KDM4B: variants seen among roughly 807,000 people sequenced by gnomAD.
KDM4B encodes the protein lysine-specific demethylase 4B.
KDM4B carries 32 observed loss-of-function variants against 125.2 expected under a neutral mutation model. That is an observed-to-expected ratio of 0.26 (90% CI 0.19 to 0.34). KDM4B has a LOEUF of 0.34. Among genes scored for constraint, KDM4B ranks in the 10% least tolerant of loss-of-function variants. KDM4B has a pLI of 1.00. For missense variants in KDM4B, 1,190 were observed against 1,577.7 expected (o/e 0.75, Z 4.16); for synonymous variants, 721 against 677.9 (o/e 1.06, Z -0.99).
intron 6 of KDM4B, among the ~76,000 whole-genome samples, chr19:5,057,220 C>T (rs1327120332): frequency 6.6e-6 from 1 of 152,164 alleles, no homozygotes; most frequent in African/African-American, 2.4e-5. Context: ...GCCCTTGCCT[C>T]TCCCCTTTGC....
Position 5,119,660 on chromosome 19 carries a change from C to G in KDM4B, c.1123C>G (p.Arg375Gly). 1 of 1,555,362 alleles carries G rather than the reference C, an allele frequency of 6.4e-7. No individual in the cohort carries two copies. The highest frequency in any genetic ancestry group is 8.7e-7 in the Non-Finnish European group (1 of 1,149,148). The change falls in exon 11 of 23, where the codon CGG becomes GGG. Residue 375 changes from arginine (R) to glycine (G), a missense_variant. By Grantham distance (125) the Arg-to-Gly change is moderately radical (BLOSUM62 -2). Coordinates refer to ENST00000159111, the MANE Select transcript of KDM4B (RefSeq NM_015015.3). ...ATAAACCTCCCTCTCCAGGTCTCAC[C>G]GGAAACGGAGCCAGCCCAAGAAGCC... The part of the protein sequence containing the change: ...LKAKLLRRSH[R>G]KRSQPKKPKP...
intron 1 of KDM4B, among the ~76,000 whole-genome samples, chr19:4,979,724 T>C (rs989175174): frequency 3.3e-5 from 5 of 152,250 alleles, no homozygotes; most frequent in African/African-American, 1.2e-4. Context: ...TAGGACAGCC[T>C]CCCTTAGAAA....
rs2039223001 is a variant in KDM4B, at chr19:5,114,780, T to C, written c.1115+3962T>C. Among the ~76,000 whole-genome samples the C allele has an allele frequency of 6.6e-6, 1 of 152,202 alleles. No homozygotes were observed. Among genetic ancestry groups the C allele is most frequent in the South Asian group, 2.1e-4 (1 of 4,832 alleles). On this transcript the variant is annotated intron_variant, in intron 10 of 22. Transcript: ENST00000159111. The surrounding 1 kb of genome is among the most constrained non-coding windows in gnomAD (Gnocchi z 5.8). ...GCACTGAATGCTGATGGTCCCACTC[T>C]GGGTGCTGCAGGTGCCCTGTGTTAC...
At chr19:4,995,349 CTG>C (rs1346957650) in intron 1 of KDM4B, among the ~76,000 whole-genome samples, 2 of 151,974 alleles carry the variant, frequency 1.3e-5, no homozygotes, top group African/African-American at 4.8e-5. Flanking sequence ...GATTCTTACT[CTG>C]GGCAACAGAG....
intron 10 of KDM4B, chr19:5,119,196 G>T (rs1273942467): frequency 6.5e-7 from 1 of 1,535,070 alleles, no homozygotes; most frequent in South Asian, 1.2e-5. Flanking sequence ...GGAAGAAAGA[G>T]CAGACCAAAA....
intron 2 of KDM4B, 123 bp from the exon 3 acceptor site, chr19:5,032,743 C>A: frequency 1.1e-6 from 1 of 877,548 alleles, no homozygotes; most frequent in Admixed American, 2.6e-5. Context: ...CGCGAGGGCC[C>A]AGCCGCCTTT....
intron 2 of KDM4B, among the ~76,000 whole-genome samples, chr19:5,032,640 G>A (rs887526307): frequency 6.6e-6 from 1 of 152,220 alleles, no homozygotes; most frequent in Non-Finnish European, 1.5e-5. Flanking sequence ...AAACTAGGAC[G>A]CCTCTGCTTC....
intron 11 of KDM4B, 140 bp from the exon 12 acceptor site, chr19:5,130,936 G>T: frequency 1.6e-6 from 1 of 639,040 alleles, no homozygotes. Context: ...TGTGTTCTCT[G>T]CCCACCCATG....
At chr19:5,033,354 C>T (rs768558517) in intron 3 of KDM4B, among the ~76,000 whole-genome samples, 13 of 152,172 alleles carry the variant, frequency 8.5e-5, no homozygotes, top group Middle Eastern at 3.2e-3. Context: ...CGTGAGCTGA[C>T]GTCTCACTGA....
At chr19:5,079,920 A>G (rs1462673069) in intron 8 of KDM4B, among the ~76,000 whole-genome samples, 1 of 151,900 alleles carries the variant, frequency 6.6e-6, no homozygotes, top group Non-Finnish European at 1.5e-5. Context: ...TTTGCCCCTC[A>G]TTTCACGGAG....
rs778400725 is a variant in KDM4B at position 5,131,860 on chromosome 19, C to T, written c.1786-27C>T. 3 of 1,612,506 alleles carry T rather than the reference C, an allele frequency of 1.9e-6. No homozygotes were observed. The East Asian group carries it at 6.7e-5, about 36-fold the overall frequency. ...CCACCCAGGGGTCTGTAGCGGGGCC[C>T]TCACTACAGCCTGTTGTGTGTTTCA... On this transcript the variant is annotated intron_variant, in intron 12 of 22. Transcript: ENST00000159111.
At chr19:4,975,499 T>G (rs2034413382) in intron 1 of KDM4B, among the ~76,000 whole-genome samples, 1 of 152,008 alleles carries the variant, frequency 6.6e-6, no homozygotes, top group East Asian at 1.9e-4. Context: ...TACGGAAAGC[T>G]ATGGAAACCA....
At chr19:4,987,027 C>T (rs1005554740) in intron 1 of KDM4B, among the ~76,000 whole-genome samples, 2 of 151,870 alleles carry the variant, frequency 1.3e-5, no homozygotes, top group Non-Finnish European at 2.9e-5. Context: ...CACAATCTCT[C>T]GGCTCACTGC....
chr19:5,120,657 A>G (rs1157771749), intron 11 of KDM4B, among the ~76,000 whole-genome samples: 9 of 152,192 alleles, frequency 5.9e-5, no homozygotes, highest in African/African-American at 2.2e-4. Flanking sequence ...TCCAGGGTTG[A>G]CAGCATTTTG....
chr19:5,087,224 T>A (rs1263661286), intron 9 of KDM4B, among the ~76,000 whole-genome samples: 1 of 152,220 alleles, frequency 6.6e-6, no homozygotes, highest in African/African-American at 2.4e-5. Flanking sequence ...CCCGTGGGTG[T>A]CTTTCCTTTC....
intron 1 of KDM4B, among the ~76,000 whole-genome samples, chr19:4,987,785 G>A (rs938691594): frequency 6.6e-6 from 1 of 152,132 alleles, no homozygotes; most frequent in Non-Finnish European, 1.5e-5. Flanking sequence ...GGGACCTGTC[G>A]GGAAACTCCA....
intron 2 of KDM4B, among the ~76,000 whole-genome samples, chr19:5,017,934 G>T (rs1222223298): frequency 5.9e-5 from 9 of 151,978 alleles, no homozygotes; most frequent in Admixed American, 5.9e-4. Flanking sequence ...TAGAGATGGG[G>T]TTTCACCGTG....
At chr19:4,990,563 T>C (rs1490708552) in intron 1 of KDM4B, among the ~76,000 whole-genome samples, 1 of 152,134 alleles carries the variant, frequency 6.6e-6, no homozygotes, top group African/African-American at 2.4e-5. Flanking sequence ...GTCATGAGTA[T>C]TGGGCAAAGC....
rs2039228624 is a variant in KDM4B, at chr19:5,115,070, G to C, written c.1115+4252G>C. ...GCAGTGGCAGCTGAGCACGTCTCCA[G>C]GCTTTGAAAAGCAGGGAAGGGTGGG... On this transcript the variant is annotated intron_variant, in intron 10 of 22. Transcript: ENST00000159111. The surrounding 1 kb of genome is among the most constrained non-coding windows in gnomAD (Gnocchi z 4.2). Among the ~76,000 whole-genome samples, 1 of 152,198 alleles carries C rather than the reference G, an allele frequency of 6.6e-6. No homozygotes were observed. The highest frequency in any genetic ancestry group is 6.5e-5 in the Admixed American group (1 of 15,282).
Sources: allele counts gnomAD v4.1 joint callset (sites outside exome capture counted in the v4.1 genomes callset), GRCh38; gene constraint gnomAD v4.1.1; non-coding constraint Gnocchi (gnomAD v3.1); transcripts MANE v1.5; gene names NCBI Gene and HGNC (gene_info 2026-07-23, HGNC 2026-07-21).